PARD3B: variants seen among roughly 807,000 people sequenced by gnomAD.
PARD3B encodes the protein par-3 family cell polarity regulator beta, also known as partitioning defective 3 homolog B.
PARD3B carries 103 observed loss-of-function variants against 130.2 expected under a neutral mutation model. The ratio of observed to expected loss-of-function variants is 0.79; its 90% CI spans 0.67 to 0.93. The LOEUF is 0.93. Among genes scored for constraint, PARD3B ranks in the 40% least tolerant of loss-of-function variants. The pLI, the probability that PARD3B is intolerant of heterozygous loss-of-function variation, is 0.00. For synonymous variants in PARD3B, 583 were observed against 553.2 expected (o/e 1.05, Z -0.76); for missense variants, 1,609 against 1,499.2 (o/e 1.07, Z -1.21).
At chr2:205,206,804 T>C (rs1559542658) in intron 15 of PARD3B, among the ~76,000 whole-genome samples, 3 of 151,756 alleles carry the variant, frequency 2.0e-5, no homozygotes, top group African/African-American at 7.3e-5. Context: ...ATTAGACAGA[T>C]CAACGAGACA....
chr2:204,561,032 G>GT (rs1553541593), intron 1 of PARD3B, among the ~76,000 whole-genome samples: 6 of 152,042 alleles, frequency 3.9e-5, no homozygotes, highest in Non-Finnish European at 5.9e-5. Flanking sequence ...GGCCACCCAG[G>GT]CTGGGGTTCC....
chr2:205,100,668 G>A (rs991255585), intron 4 of PARD3B, among the ~76,000 whole-genome samples: 4 of 151,992 alleles, frequency 2.6e-5, no homozygotes, highest in Non-Finnish European at 5.9e-5. Context: ...TACAATTGAG[G>A]ATCCGGAAAT....
intron 15 of PARD3B, among the ~76,000 whole-genome samples, chr2:205,193,623 A>G (rs906051471): frequency 3.3e-5 from 5 of 152,214 alleles, no homozygotes; most frequent in East Asian, 1.9e-4. Context: ...TCTTTATCTC[A>G]TCCATCTGCC....
Position 204,578,543 on chromosome 2 carries a change from C to T in PARD3B, c.120+32424C>T, listed in dbSNP as rs2032385285. Among the ~76,000 whole-genome samples, 4 of 152,152 alleles carry T rather than the reference C, an allele frequency of 2.6e-5. No homozygotes were observed. In the South Asian group the frequency reaches 8.3e-4, roughly 32 times the overall value. The stretch of plus-strand genomic sequence containing the variant: ...CAGAACACAGCAGGTAATGTACTTA[C>T]TGAAGAGGTAAGAGCATGAGTAATT... On this transcript the variant is annotated intron_variant, in intron 1 of 22. Coordinates refer to ENST00000406610, the MANE Select transcript of PARD3B (RefSeq NM_001302769.2).
chr2:204,965,354 C>T (rs757079118), intron 3 of PARD3B, 31 bp downstream of exon 3: 15 of 1,597,286 alleles, frequency 9.4e-6, no homozygotes, highest in Non-Finnish European at 1.2e-5. Context: ...ATTCTTTTCA[C>T]CTGACTGAAG....
intron 20 of PARD3B, among the ~76,000 whole-genome samples, chr2:205,445,261 T>C (rs905791249): frequency 6.6e-6 from 1 of 152,176 alleles, no homozygotes; most frequent in East Asian, 1.9e-4. Context: ...CACTATGATA[T>C]AGACCCACAC....
At chr2:205,571,034 A>G (rs2053542519) in intron 22 of PARD3B, among the ~76,000 whole-genome samples, 1 of 152,230 alleles carries the variant, frequency 6.6e-6, no homozygotes. Flanking sequence ...ATATTGGAAT[A>G]TAGCTGTTCG....
At chr2:204,649,545 A>C (rs984722510) in intron 1 of PARD3B, among the ~76,000 whole-genome samples, 23 of 151,962 alleles carry the variant, frequency 1.5e-4, no homozygotes, top group Non-Finnish European at 2.2e-4. Flanking sequence ...CTGGTAAACA[A>C]CACCACCACC....
intron 15 of PARD3B, among the ~76,000 whole-genome samples, chr2:205,209,582 TTAA>T (rs151170642): frequency 0.16 from 24,091 of 151,080 alleles, 2,203 homozygotes; most frequent in African/African-American, 0.26. Flanking sequence ...AAATATACAA[TTAA>T]TAATTAAAAT....
intron 7 of PARD3B, 87 bp downstream of exon 7, chr2:205,119,133 G>A (rs538679486): frequency 7.0e-7 from 1 of 1,437,860 alleles, no homozygotes; most frequent in African/African-American, 1.5e-5. Context: ...CAAAATAGTA[G>A]GTAGAATTTC....
chr2:204,712,089 A>G (rs770069777), intron 2 of PARD3B, among the ~76,000 whole-genome samples: 3 of 152,230 alleles, frequency 2.0e-5, no homozygotes, highest in Non-Finnish European at 4.4e-5. Flanking sequence ...TGTATAACAA[A>G]TAGTCTTTAT....
intron 2 of PARD3B, among the ~76,000 whole-genome samples, chr2:204,752,445 C>T (rs936154907): frequency 3.9e-5 from 6 of 152,118 alleles, no homozygotes; most frequent in Admixed American, 2.0e-4. Context: ...CTAATGAATT[C>T]GTACTTTTAG....
At chr2:204,972,740 C>G (rs554070749) in intron 3 of PARD3B, among the ~76,000 whole-genome samples, 2 of 152,218 alleles carry the variant, frequency 1.3e-5, no homozygotes, top group Admixed American at 1.3e-4. Flanking sequence ...TCACCATCTC[C>G]CCTTTGGCCT....
At chr2:204,968,898 T>C (rs1226658751) in intron 3 of PARD3B, among the ~76,000 whole-genome samples, 1 of 152,246 alleles carries the variant, frequency 6.6e-6, no homozygotes, top group African/African-American at 2.4e-5. Context: ...TTAAATCAAG[T>C]GGGCAACCAC....
intron 2 of PARD3B, among the ~76,000 whole-genome samples, chr2:204,731,532 C>T (rs1306465085): frequency 6.6e-6 from 1 of 151,938 alleles, no homozygotes; most frequent in Non-Finnish European, 1.5e-5. Flanking sequence ...CAGTCTAGAC[C>T]CGTTTAGGAG....
intron 2 of PARD3B, among the ~76,000 whole-genome samples, chr2:204,898,063 A>G (rs907582400): frequency 1.3e-5 from 2 of 152,020 alleles, no homozygotes; most frequent in Admixed American, 6.5e-5. Flanking sequence ...TCACACCAAT[A>G]CACTGTATAC....
chr2:204,662,765 CT>C (rs1419266020), intron 1 of PARD3B, among the ~76,000 whole-genome samples: 3 of 152,146 alleles, frequency 2.0e-5, no homozygotes, highest in African/African-American at 7.2e-5. Flanking sequence ...TTGGGTGCCT[CT>C]GCCATTATTC....
At chr2:205,454,216 C>T (rs1450220808) in intron 20 of PARD3B, among the ~76,000 whole-genome samples, 2 of 152,100 alleles carry the variant, frequency 1.3e-5, no homozygotes, top group Non-Finnish European at 2.9e-5. Flanking sequence ...TAGGCTAAGC[C>T]ACATACCTTT....
intron 19 of PARD3B, among the ~76,000 whole-genome samples, chr2:205,436,240 C>A (rs1285596866): frequency 6.6e-6 from 1 of 152,152 alleles, no homozygotes; most frequent in Non-Finnish European, 1.5e-5. Flanking sequence ...ACAATGGAGA[C>A]TGTATATCAA....
Sources: allele counts gnomAD v4.1 joint callset (sites outside exome capture counted in the v4.1 genomes callset), GRCh38; gene constraint gnomAD v4.1.1; transcripts MANE v1.5; gene names NCBI Gene and HGNC (gene_info 2026-07-23, HGNC 2026-07-21).